CFAP299: variants seen among roughly 807,000 people sequenced by gnomAD.
CFAP299 encodes cilia and flagella associated protein 299.
CFAP299 carries 21 observed loss-of-function variants against 27.0 expected under a neutral mutation model. The ratio of observed to expected loss-of-function variants is 0.78; its 90% CI spans 0.55 to 1.12. The LOEUF (loss-of-function observed/expected upper bound fraction) is 1.12. Ranked by LOEUF, CFAP299 falls within the 50% of genes most tolerant of loss-of-function variation. The pLI is 0.00. For synonymous variants in CFAP299, 104 were observed against 98.1 expected (o/e 1.06, Z -0.36); for missense variants, 310 against 276.6 (o/e 1.12, Z -0.86).
intron 2 of CFAP299, chr4:80,388,402 C>A (rs4693022): frequency 4.2e-6 from 3 of 711,912 alleles, no homozygotes; most frequent in Non-Finnish European, 5.1e-6. Flanking sequence ...CCTGCTGGAC[C>A]GCTGTGGGTG....
chr4:80,335,864 C>T lies in CFAP299; in HGVS notation c.96C>T (p.Asp32=), dbSNP rs778189704. Residue 32 remains aspartate, a synonymous_variant, in exon 1 of 6, where the codon GAC becomes GAT. Transcript: ENST00000358105. ...TGGACTCGCAGATCACTACTGTGGA[C>T]TTGTACTACCTGGAGGTAAGGGCGG... is the stretch of plus-strand genomic sequence containing the variant. ...DFLDSQITTV[D]LYYLEDETLA... 6.2e-6 allele frequency: 10 copies of T among 1,606,332 alleles called. No individual in the cohort carries two copies. Among genetic ancestry groups the T allele is most frequent in the South Asian group, 1.1e-5 (1 of 90,954 alleles).
chr4:80,691,958 A>T, intron 3 of CFAP299, among the ~76,000 whole-genome samples: 1 of 152,078 alleles, frequency 6.6e-6, no homozygotes, highest in Non-Finnish European at 1.5e-5. Flanking sequence ...CTTCAAAGAG[A>T]ATAAAATACC....
chr4:80,693,349 A>C (rs1386667195), intron 3 of CFAP299, among the ~76,000 whole-genome samples: 4 of 151,988 alleles, frequency 2.6e-5, no homozygotes, highest in Admixed American at 2.6e-4. Flanking sequence ...CATATACACC[A>C]TGGAATACTA....
chr4:80,747,383 T>G (rs1470231170), intron 3 of CFAP299, among the ~76,000 whole-genome samples: 1 of 151,884 alleles, frequency 6.6e-6, no homozygotes, highest in Non-Finnish European at 1.5e-5. Context: ...TAAACAGGAG[T>G]ATTTCAGCTT....
intron 3 of CFAP299, among the ~76,000 whole-genome samples, chr4:80,649,534 T>C (rs932948799): frequency 6.6e-6 from 1 of 152,162 alleles, no homozygotes; most frequent in African/African-American, 2.4e-5. Context: ...TTCTGGCAGT[T>C]CTTGTTGATT....
intron 3 of CFAP299, among the ~76,000 whole-genome samples, chr4:80,647,292 A>T (rs920747418): frequency 6.6e-6 from 1 of 152,168 alleles, no homozygotes; most frequent in Non-Finnish European, 1.5e-5. Context: ...ATGGAGCTGA[A>T]TCAAACATCA....
intron 3 of CFAP299, among the ~76,000 whole-genome samples, chr4:80,837,568 G>T (rs897615866): frequency 6.6e-6 from 1 of 152,074 alleles, no homozygotes; most frequent in Admixed American, 6.5e-5. Context: ...AGTTTGCTGA[G>T]AATAATGTTT....
At chr4:80,482,765 A>G (rs190209135) in intron 2 of CFAP299, among the ~76,000 whole-genome samples, 2 of 152,328 alleles carry the variant, frequency 1.3e-5, no homozygotes, top group African/African-American at 2.4e-5. Context: ...TGCTCCACCC[A>G]GTAGACATTA....
chr4:80,658,007 T>G (rs570161261), intron 3 of CFAP299, among the ~76,000 whole-genome samples: 98 of 152,192 alleles, frequency 6.4e-4, no homozygotes, highest in African/African-American at 2.0e-3. Flanking sequence ...TGAATGGGAG[T>G]TCACTCATGA....
chr4:80,402,714 C>A (rs1039020795), intron 2 of CFAP299, among the ~76,000 whole-genome samples: 1 of 152,178 alleles, frequency 6.6e-6, no homozygotes, highest in African/African-American at 2.4e-5. Flanking sequence ...GGTATCAGAG[C>A]AAACTGCTCT....
intron 2 of CFAP299, among the ~76,000 whole-genome samples, chr4:80,468,833 CA>C (rs762711937): frequency 0.016 from 1,125 of 70,462 alleles, 5 homozygotes; most frequent in East Asian, 0.019. Context: ...GACTCTGTCT[CA>C]AAAAAAAAAA....
intron 3 of CFAP299, among the ~76,000 whole-genome samples, chr4:80,777,865 G>C (rs966213742): frequency 2.0e-5 from 3 of 152,092 alleles, no homozygotes; most frequent in Non-Finnish European, 2.9e-5. Flanking sequence ...TACATGAATA[G>C]ATGAGACAAG....
At chr4:80,552,036 A>G (rs1393679132) in intron 2 of CFAP299, among the ~76,000 whole-genome samples, 1 of 152,232 alleles carries the variant, frequency 6.6e-6, no homozygotes, top group African/African-American at 2.4e-5. Flanking sequence ...GGCGTGAGCC[A>G]CCATGCCCGG....
chr4:80,519,748 A>G (rs1167568197), intron 2 of CFAP299, among the ~76,000 whole-genome samples: 1 of 152,176 alleles, frequency 6.6e-6, no homozygotes, highest in East Asian at 1.9e-4. Flanking sequence ...ATTCAAGGCT[A>G]AAGAATGTAG....
At chr4:80,700,654 T>A (rs1721416053) in intron 3 of CFAP299, among the ~76,000 whole-genome samples, 3 of 151,990 alleles carry the variant, frequency 2.0e-5, no homozygotes, top group South Asian at 4.1e-4. Flanking sequence ...ACCAGTGCAT[T>A]CAGGAATACA....
chr4:80,501,580 CTA>C (rs1014034596), intron 2 of CFAP299, among the ~76,000 whole-genome samples: 2 of 148,600 alleles, frequency 1.3e-5, no homozygotes, highest in African/African-American at 4.9e-5. Flanking sequence ...ATAGAAATAT[CTA>C]TAAATTGCAA....
At chr4:80,361,396 C>T (rs745880234) in intron 1 of CFAP299, among the ~76,000 whole-genome samples, 1 of 152,212 alleles carries the variant, frequency 6.6e-6, no homozygotes, top group Admixed American at 6.5e-5. Context: ...GTCCTTTCTA[C>T]AAATTCACTT....
At chr4:80,800,300 T>G (rs1457606368) in intron 3 of CFAP299, among the ~76,000 whole-genome samples, 2 of 74,208 alleles carry the variant, frequency 2.7e-5, no homozygotes, top group East Asian at 9.0e-4. Context: ...TTAATATATA[T>G]AATATATAAG....
chr4:80,467,579 T>G (rs748480899), intron 2 of CFAP299, among the ~76,000 whole-genome samples: 16 of 152,194 alleles, frequency 1.1e-4, no homozygotes, highest in Non-Finnish European at 1.9e-4. Flanking sequence ...CAGCTTCACC[T>G]GGGTCCCTCT....
Sources: allele counts gnomAD v4.1 joint callset (sites outside exome capture counted in the v4.1 genomes callset), GRCh38; gene constraint gnomAD v4.1.1; transcripts MANE v1.5; gene names NCBI Gene and HGNC (gene_info 2026-07-23, HGNC 2026-07-21).